The following NAV3 variants were observed in gnomAD, a reference collection of about 807,000 sequenced individuals.
NAV3 encodes the protein pore membrane and/or filament interacting like protein 1.
In NAV3, 87 loss-of-function variants were observed where a neutral mutation model predicts 244.7. The ratio of observed to expected loss-of-function variants is 0.36; its 90% CI spans 0.30 to 0.42. NAV3 has a LOEUF of 0.42. Ranked by LOEUF, NAV3 falls within the 20% of genes least tolerant of loss-of-function variation. The probability of loss-of-function intolerance (pLI) is 1.00; values close to 1 mark genes in which losing one functional copy is unlikely to be tolerated. For missense variants in NAV3, 2,663 were observed against 2,893.3 expected, an observed-to-expected ratio of 0.92 and a Z score of 1.83; for synonymous variants, 1,126 against 1,042.2, an observed-to-expected ratio of 1.08 and a Z score of -1.55.
At chr12:78,138,565 A>G (rs1469793288) in intron 19 of NAV3, among the ~76,000 whole-genome samples, 2 of 152,136 alleles carry the variant, frequency 1.3e-5, no homozygotes, top group Non-Finnish European at 2.9e-5. Context: ...ATTATATCCA[A>G]TGACTCCACT....
chr12:77,979,424 A>C (rs1338467678), intron 5 of NAV3, among the ~76,000 whole-genome samples: 1 of 151,972 alleles, frequency 6.6e-6, no homozygotes, highest in East Asian at 1.9e-4. Context: ...CTAAAAATAA[A>C]AAAGCTATAA....
At chr12:78,040,594 G>A (rs180748822) in intron 9 of NAV3, among the ~76,000 whole-genome samples, 75 of 152,228 alleles carry the variant, frequency 4.9e-4, no homozygotes, top group Admixed American at 1.3e-3. Flanking sequence ...ATTCCAGTTG[G>A]CAAATGATTG....
chr12:77,580,219 AACACACACACACACACACAC>A (rs59671759), intron 2 of NAV3, among the ~76,000 whole-genome samples: 4 of 145,486 alleles, frequency 2.7e-5, no homozygotes, highest in South Asian at 2.2e-4. Flanking sequence ...GTAGGGTGGG[AACACACACACACACACACAC>A]ACACACACAC....
intron 2 of NAV3, among the ~76,000 whole-genome samples, chr12:77,650,444 A>T (rs1872774864): frequency 6.6e-6 from 1 of 152,068 alleles, no homozygotes; most frequent in Non-Finnish European, 1.5e-5. Context: ...TGCTGTCATG[A>T]GGTAGTTTCA....
At chr12:77,584,122 T>C (rs149928003) in intron 2 of NAV3, among the ~76,000 whole-genome samples, 4 of 152,342 alleles carry the variant, frequency 2.6e-5, no homozygotes, top group Non-Finnish European at 5.9e-5. Context: ...GTCTGCCTTC[T>C]TAAGAATGAT....
intron 3 of NAV3, among the ~76,000 whole-genome samples, chr12:77,945,969 G>A (rs1399708943): frequency 6.6e-6 from 1 of 150,972 alleles, no homozygotes; most frequent in Admixed American, 6.6e-5. Flanking sequence ...ATGTTGGCCA[G>A]GCTGGTTTTG....
chr12:77,741,174 A>G (rs1192391658), intron 2 of NAV3, among the ~76,000 whole-genome samples: 1 of 149,566 alleles, frequency 6.7e-6, no homozygotes, highest in Non-Finnish European at 1.5e-5. Flanking sequence ...AAAGAAAAGA[A>G]AGAAAAAGAA....
chr12:77,705,092 A>G (rs1004206907), intron 2 of NAV3, among the ~76,000 whole-genome samples: 2 of 152,124 alleles, frequency 1.3e-5, no homozygotes, highest in African/African-American at 4.8e-5. Flanking sequence ...ATTAATCAAG[A>G]CCCTCTTTTA....
intron 1 of NAV3, among the ~76,000 whole-genome samples, chr12:77,867,895 G>A (rs989249394): frequency 6.6e-6 from 1 of 152,192 alleles, no homozygotes; most frequent in Non-Finnish European, 1.5e-5. Flanking sequence ...CTAGTAGATT[G>A]CTGGGCAAGG....
At chr12:77,875,854 C>T (rs78453669) in intron 1 of NAV3, among the ~76,000 whole-genome samples, 3,354 of 152,016 alleles carry the variant, frequency 0.022, 125 homozygotes, top group African/African-American at 0.077. Flanking sequence ...GTTCATCTAT[C>T]AATAGGCAAT....
intron 12 of NAV3, among the ~76,000 whole-genome samples, chr12:78,099,537 T>A (rs1954432920): frequency 6.6e-6 from 1 of 151,886 alleles, no homozygotes; most frequent in African/African-American, 2.4e-5. Flanking sequence ...TTTAAATTTA[T>A]ATAAGATGGA....
intron 2 of NAV3, among the ~76,000 whole-genome samples, chr12:77,816,286 T>G (rs1301415572): frequency 2.0e-5 from 3 of 152,172 alleles, no homozygotes; most frequent in African/African-American, 2.4e-5. Flanking sequence ...AATGTGTAAA[T>G]AAGTGTTTTA....
At chr12:78,071,492 C>T (rs928456309) in intron 12 of NAV3, among the ~76,000 whole-genome samples, 2 of 151,914 alleles carry the variant, frequency 1.3e-5, no homozygotes, top group Admixed American at 6.6e-5. Flanking sequence ...AATTTTCTCC[C>T]ATTTTGTAGG....
rs1592706302 is a variant in NAV3 at position 77,813,773 on chromosome 12, C to T, written c.73-126546C>T. Among the ~76,000 whole-genome samples, 3 of 152,234 alleles carry T rather than the reference C, an allele frequency of 2.0e-5. No homozygotes were observed. In the East Asian group the frequency reaches 5.8e-4, roughly 29 times the overall value. On this transcript the variant is annotated intron_variant, in intron 2 of 8. Coordinates refer to the NAV3 transcript ENST00000550042. ...TTAGATTCCTTCATATGACTAATAG[C>T]AAGTACTCAAAAGATTAGAGCCTGT... is the stretch of plus-strand genomic sequence containing the variant.
chr12:77,930,481 C>T (rs1457037193), intron 1 of NAV3, among the ~76,000 whole-genome samples: 1 of 151,674 alleles, frequency 6.6e-6, no homozygotes, highest in African/African-American at 2.4e-5. Flanking sequence ...AAAATCCATC[C>T]GTATACAATT....
upstream of NAV3, among the ~76,000 whole-genome samples, chr12:77,827,886 G>A (rs35041751): frequency 0.18 from 28,148 of 152,170 alleles, 3,288 homozygotes; most frequent in Non-Finnish European, 0.26. Flanking sequence ...GCAGAGATTT[G>A]CTTTTAAGCA....
chr12:78,085,579 T>C (rs1411014269), intron 12 of NAV3, among the ~76,000 whole-genome samples: 2 of 151,968 alleles, frequency 1.3e-5, no homozygotes, highest in Non-Finnish European at 2.9e-5. Context: ...ATTGTGAAAA[T>C]GATGAGCAGA....
At chr12:78,060,810 A>G (rs940912134) in intron 12 of NAV3, among the ~76,000 whole-genome samples, 1 of 152,134 alleles carries the variant, frequency 6.6e-6, no homozygotes, top group Admixed American at 6.6e-5. Flanking sequence ...CTATTATTCT[A>G]TTATTGTTAG....
At chr12:77,807,039 C>T (rs899187916) in intron 2 of NAV3, among the ~76,000 whole-genome samples, 1 of 152,084 alleles carries the variant, frequency 6.6e-6, no homozygotes, top group Non-Finnish European at 1.5e-5. Flanking sequence ...GATAAACATT[C>T]CTCCATCCAT....
Sources: gnomAD v4.1 joint callset for allele counts (sites outside exome capture counted in the v4.1 genomes callset) on GRCh38, gnomAD v4.1.1 for gene constraint, MANE v1.5 for transcripts, NCBI Gene and HGNC (gene_info 2026-07-23, HGNC 2026-07-21) for gene names.